The following AVIL variants were observed in gnomAD, a reference collection of about 807,000 sequenced individuals.
The protein encoded by AVIL is advillin.
In AVIL, 78 loss-of-function variants were observed where a neutral mutation model predicts 109.9. The observed-to-expected ratio is 0.71, with a 90% CI of 0.59 to 0.86. The LOEUF (loss-of-function observed/expected upper bound fraction) is 0.86, where lower values mean the gene tolerates loss of function less well. Among genes scored for constraint, AVIL ranks in the 40% least tolerant of loss-of-function variants. The pLI is 0.00. For missense variants in AVIL, 892 were observed against 1,016.5 expected (o/e 0.88, Z 1.67); for synonymous variants, 367 against 379.1 (o/e 0.97, Z 0.37).
At chr12:57,815,621 A>T (rs538532803) in intron 2 of AVIL, 1 of 1,306,444 alleles carries the variant, frequency 7.7e-7, no homozygotes. Flanking sequence ...CGTGGAAGAC[A>T]TGTTCCATTT....
At chr12:57,813,552 G>C (rs1224071069) in intron 3 of AVIL, 129 bp from the exon 4 acceptor site, 3 of 906,946 alleles carry the variant, frequency 3.3e-6, no homozygotes, top group Admixed American at 5.3e-5. Flanking sequence ...TCCTGCAGTG[G>C]ATGTGGGAGC....
Position 57,797,970 on chromosome 12 carries a change from A to G in AVIL, c.2372T>C (p.Val791Ala). 1 of 1,612,950 alleles carries G rather than the reference A, an allele frequency of 6.2e-7. No homozygotes were observed. Among genetic ancestry groups the G allele is most frequent in the Non-Finnish European group, 8.5e-7 (1 of 1,179,334 alleles). The change falls in exon 20 of 20, where the codon GTG becomes GCG. Residue 791 changes from valine (V) to alanine (A), a missense_variant. Coordinates refer to ENST00000549994, the MANE Select transcript of AVIL (RefSeq NM_006576.4). ...CCCTCTTGTGATGCCAAACACAGAC[A>G]CAAAGTCCTGTTCAGAGAGGTAATT... is the stretch of plus-strand genomic sequence containing the variant. ...KENYLSEQDF[V>A]SVFGITRGQF...
rs1565831461 is a variant in AVIL, at chr12:57,803,679, GGGCGAGGAGAGCACAGA to G, written c.1672-27_1672-11del. 6.2e-7 allele frequency: 1 copy of G among 1,613,300 alleles called. No homozygotes were observed. Among genetic ancestry groups the G allele is most frequent in the Non-Finnish European group, 8.5e-7 (1 of 1,179,642 alleles). On this transcript the variant is annotated splice_polypyrimidine_tract_variant and intron_variant, in intron 14 of 19. Coordinates refer to ENST00000549994, the MANE Select transcript of AVIL (RefSeq NM_006576.4). ...CATCCCCACTAGACCCCTGAGAGTGGGGCGAGGAGAGCACAGATGTTAGTTGCACAGGGGCACTTCGA... is the reference window on the plus strand; with the variant it reads ...CATCCCCACTAGACCCCTGAGAGTGGTGTTAGTTGCACAGGGGCACTTCGA...
At chr12:57,816,188 CACCATTTCACAAT>C in intron 1 of AVIL, 129 bp from the exon 2 acceptor site, 4 of 706,676 alleles carry the variant, frequency 5.7e-6, no homozygotes, top group Non-Finnish European at 9.2e-6. Flanking sequence ...TGCATCCCTG[CACCATTTCACAAT>C]GATGGGGGCA....
At position 57,802,335 on chromosome 12, in the gene AVIL, A is replaced by C; in HGVS notation, c.1976T>G (p.Ile659Ser). 1 of 1,612,020 alleles carries C rather than the reference A, an allele frequency of 6.2e-7. No individual in the cohort carries two copies. Among genetic ancestry groups the C allele is most frequent in the Non-Finnish European group, 8.5e-7 (1 of 1,178,944 alleles). The change falls in exon 17 of 20, where the codon ATT becomes AGT. Residue 659 changes from isoleucine to serine, a missense_variant. Physicochemically the swap from Ile to Ser is moderately radical, Grantham distance 142. Coordinates refer to ENST00000549994, the MANE Select transcript of AVIL (RefSeq NM_006576.4). Reference sequence around the variant, plus strand: ...CTCCGTGGCATTGGCCTCAGCCCCAATCCACAAGAACACCTGTTAAGGTGG... The same window carrying C: ...CTCCGTGGCATTGGCCTCAGCCCCACTCCACAAGAACACCTGTTAAGGTGG... ...LDTWDQVFLWIGAEANATEKE... is the reference protein window; with the variant it reads ...LDTWDQVFLWSGAEANATEKE...
intron 7 of AVIL, 53 bp from the exon 8 acceptor site, chr12:57,809,943 A>G (rs1956013627): frequency 6.4e-7 from 1 of 1,567,122 alleles, no homozygotes; most frequent in Admixed American, 1.7e-5. Flanking sequence ...AGCATCTTGT[A>G]GTCAACTAGA....
At position 57,816,093 on chromosome 12, in the gene AVIL, T is replaced by C. The variant is rs1414062767; in HGVS notation, c.-19-34A>G. 3.9e-6 allele frequency: 6 copies of C among 1,546,566 alleles called. No individual in the cohort carries two copies. In the East Asian group the frequency reaches 1.1e-4, roughly 29 times the overall value. The stretch of plus-strand genomic sequence containing the variant: ...TCACAGAACAAGAGGGGAGATGATA[T>C]CTCTTGCCATAGTGGGCATCAATCC... On this transcript the variant is annotated intron_variant, in intron 1 of 19. Coordinates refer to ENST00000549994, the MANE Select transcript of AVIL (RefSeq NM_006576.4).
intron 2 of AVIL, 69 bp from the exon 3 acceptor site, chr12:57,814,295 C>T (rs1956074991): frequency 2.0e-6 from 3 of 1,465,170 alleles, no homozygotes; most frequent in East Asian, 2.4e-5. Context: ...CCTCCCTCTC[C>T]TCTCTGTCAT....
chr12:57,803,831 T>A, intron 14 of AVIL, 162 bp from the exon 15 acceptor site: 2 of 996,810 alleles, frequency 2.0e-6, no homozygotes, highest in Non-Finnish European at 2.9e-6. Context: ...TGCTGGGGAG[T>A]GGGGAGGAAA....
intron 16 of AVIL, chr12:57,802,703 C>T (rs1259806973): frequency 3.3e-6 from 2 of 611,700 alleles, no homozygotes; most frequent in African/African-American, 1.8e-5. Flanking sequence ...TCTGAGTCTC[C>T]ACTTTTGATA....
intron 19 of AVIL, among the ~76,000 whole-genome samples, chr12:57,799,415 G>A (rs1955800890): frequency 6.6e-6 from 1 of 152,190 alleles, no homozygotes; most frequent in African/African-American, 2.4e-5. Flanking sequence ...TTTTTTAAAT[G>A]TAGTGGGAAG....
chr12:57,816,061 T>C lies in AVIL; in HGVS notation c.-19-2A>G. On this transcript the variant is annotated splice_acceptor_variant, in intron 1 of 19. Coordinates refer to ENST00000549994, the MANE Select transcript of AVIL (RefSeq NM_006576.4). LOFTEE classifies it low-confidence loss of function (5UTR_SPLICE). ...GGCATGATGCTTGTCTTTCCAGGACTGAAACATCACAGAACAAGAGGGGAG... is the reference window on the plus strand; with the variant it reads ...GGCATGATGCTTGTCTTTCCAGGACCGAAACATCACAGAACAAGAGGGGAG... 1 of 1,604,738 alleles carries C rather than the reference T, an allele frequency of 6.2e-7. No homozygotes were observed. Among genetic ancestry groups the C allele is most frequent in the Non-Finnish European group, 8.5e-7 (1 of 1,174,882 alleles).
chr12:57,801,219 A>G lies in AVIL; in HGVS notation c.2152-7T>C. On this transcript the variant is annotated splice_polypyrimidine_tract_variant and splice_region_variant and intron_variant, in intron 17 of 19. Coordinates refer to ENST00000549994, the MANE Select transcript of AVIL (RefSeq NM_006576.4). ...GTTCATATGTTTTTCCTGCCTGAGA[A>G]GAAGAGAGAGAAAACACAGGATGAG... The G allele has an allele frequency of 6.2e-7, 1 of 1,612,018 alleles. No homozygotes were observed. Among genetic ancestry groups the G allele is most frequent in the Non-Finnish European group, 8.5e-7 (1 of 1,178,520 alleles).
At position 57,799,775 on chromosome 12, in the gene AVIL, C is replaced by A; in HGVS notation, c.2346+20G>T. The stretch of plus-strand genomic sequence containing the variant: ...CGGAGAGCTCCACTTCCAACAGACA[C>A]AGTTCCTTCAGCCACTCACCTCCTT... On this transcript the variant is annotated intron_variant, in intron 19 of 19. Transcript: ENST00000549994. 6.2e-7 allele frequency: 1 copy of A among 1,613,406 alleles called. No homozygotes were observed. Among genetic ancestry groups the A allele is most frequent in the Non-Finnish European group, 8.5e-7 (1 of 1,179,966 alleles).
chr12:57,802,705 C>T (rs1955875322), intron 16 of AVIL: 7 of 611,096 alleles, frequency 1.1e-5, no homozygotes, highest in South Asian at 8.0e-5. Flanking sequence ...TGAGTCTCCA[C>T]TTTTGATAGG....
chr12:57,811,516 C>T (rs1172092174), intron 4 of AVIL, among the ~76,000 whole-genome samples: 1 of 152,242 alleles, frequency 6.6e-6, no homozygotes, highest in Admixed American at 6.5e-5. Flanking sequence ...AGTTGTGCTG[C>T]AGCAGAAGCA....
At chr12:57,799,700 A>G (rs1030805360) in intron 19 of AVIL, 95 bp downstream of exon 19, 1 of 1,543,788 alleles carries the variant, frequency 6.5e-7, no homozygotes, top group Non-Finnish European at 8.8e-7. Flanking sequence ...GAGCGGCTAC[A>G]ATGTGCCGGA....
At chr12:57,799,116 T>G (rs1009112194) in intron 19 of AVIL, among the ~76,000 whole-genome samples, 7 of 152,118 alleles carry the variant, frequency 4.6e-5, no homozygotes, top group African/African-American at 1.7e-4. Flanking sequence ...GGAGCAGGTA[T>G]GGGAAGCAGT....
chr12:57,800,984 CCTG>C (rs1443517885), intron 18 of AVIL, among the ~76,000 whole-genome samples, 157 bp downstream of exon 18: 1 of 152,196 alleles, frequency 6.6e-6, no homozygotes, highest in Non-Finnish European at 1.5e-5. Flanking sequence ...GGCTCTGAGA[CCTG>C]CTTTTCTATT....
Sources: gnomAD v4.1 joint callset for allele counts (sites outside exome capture counted in the v4.1 genomes callset) on GRCh38, gnomAD v4.1.1 for gene constraint, MANE v1.5 for transcripts, NCBI Gene and HGNC (gene_info 2026-07-23, HGNC 2026-07-21) for gene names.